The following PCDH15 variants were observed in gnomAD, a reference collection of about 807,000 sequenced individuals.
The protein encoded by PCDH15 is protocadherin related 15.
In PCDH15, 129 loss-of-function variants were observed where a neutral mutation model predicts 178.5. The ratio of observed to expected loss-of-function variants is 0.72; its 90% CI spans 0.63 to 0.84. The LOEUF (loss-of-function observed/expected upper bound fraction) is 0.84. Ranked by LOEUF, PCDH15 falls within the 40% of genes least tolerant of loss-of-function variation. The pLI is 0.00. For missense variants in PCDH15, 2,230 were observed against 2,099.9 expected, an observed-to-expected ratio of 1.06 and a Z score of -1.21; for synonymous variants, 800 against 732.0, an observed-to-expected ratio of 1.09 and a Z score of -1.50.
rs10825380 is a variant in PCDH15 at position 54,710,214 on chromosome 10, C to T, written c.-28-45924G>A. The stretch of plus-strand genomic sequence containing the variant: ...ATGCAATCAGTCCCACTCAAGTGGA[C>T]GATCATGCAATGATTCTTTACAAAA... On this transcript the variant is annotated intron_variant, in intron 1 of 37. Transcript: ENST00000644397. Among the ~76,000 whole-genome samples the T allele has an allele frequency of 3.4e-3, 511 of 151,822 alleles. 3 individuals carry two copies. Among genetic ancestry groups the T allele is most frequent in the Middle Eastern group, 0.01 (3 of 294 alleles).
intron 8 of PCDH15, among the ~76,000 whole-genome samples, chr10:54,266,077 C>A (rs1477631409): frequency 6.6e-6 from 1 of 151,660 alleles, no homozygotes; most frequent in Non-Finnish European, 1.5e-5. Context: ...TAATACCAAG[C>A]ATCCTCTTGG....
At chr10:55,576,112 C>T (rs1049594747) in intron 2 of PCDH15, among the ~76,000 whole-genome samples, 2 of 152,106 alleles carry the variant, frequency 1.3e-5, no homozygotes, top group Admixed American at 6.6e-5. Context: ...TTGCATATAA[C>T]TTTTGACTCC....
chr10:55,346,370 G>A (rs1844753261), intron 2 of PCDH15, among the ~76,000 whole-genome samples: 1 of 152,134 alleles, frequency 6.6e-6, no homozygotes. Flanking sequence ...TATGTGGTCA[G>A]GAATATGGAA....
chr10:53,840,253 C>T, intron 29 of PCDH15, 67 bp downstream of exon 29: 1 of 1,538,300 alleles, frequency 6.5e-7, no homozygotes, highest in Admixed American at 1.7e-5. Context: ...CTTATAGCCT[C>T]AAGTCAGAAT....
rs150435401 is a variant in PCDH15 at position 54,719,771 on chromosome 10, T to G, written c.-28-55481A>C. On this transcript the variant is annotated intron_variant, in intron 1 of 37. Coordinates refer to ENST00000644397, the MANE Select transcript of PCDH15 (RefSeq NM_001384140.1). The stretch of plus-strand genomic sequence containing the variant: ...CAATTCCCACTTATGAGTGAGAATA[T>G]CCAGTGTTTGGTTTTTTGTTCCTTT... Among the ~76,000 whole-genome samples the G allele has an allele frequency of 2.4e-3, 367 of 152,200 alleles. 3 individuals carry two copies. The highest frequency in any genetic ancestry group is 7.1e-3 in the African/African-American group (297 of 41,540).
chr10:54,815,351 T>C (rs1365025392), intron 3 of PCDH15, among the ~76,000 whole-genome samples: 2 of 152,120 alleles, frequency 1.3e-5, no homozygotes, highest in African/African-American at 4.8e-5. Context: ...AGACCGTACA[T>C]GGCACCATTC....
rs1481748173 is a variant in PCDH15 at position 54,726,431 on chromosome 10, T to TGG, written c.-28-62142_-28-62141insCC. Among the ~76,000 whole-genome samples, 61 of 112,654 alleles carry TGG rather than the reference T, an allele frequency of 5.4e-4. 1 individual carries two copies. Among genetic ancestry groups the TGG allele is most frequent in the East Asian group, 2.3e-3 (7 of 3,074 alleles). The allele number at this position is 112,654 out of a possible 152,430, so 73.9% of individuals were successfully genotyped here. A position where few individuals can be genotyped will look rare whatever the true frequency, so the allele number is the denominator to read the frequency against. ...TCTACCCATCAGGGGTGTGTGTGTGTGTGTGTGTGTGTGTGTGTGTGTGTG... is the reference window on the plus strand; with the variant it reads ...TCTACCCATCAGGGGTGTGTGTGTGTGGGTGTGTGTGTGTGTGTGTGTGTGTG... On this transcript the variant is annotated intron_variant, in intron 1 of 37. Transcript: ENST00000644397.
intron 20 of PCDH15, among the ~76,000 whole-genome samples, chr10:54,010,447 C>T (rs1390918372): frequency 9.2e-5 from 14 of 152,118 alleles, no homozygotes; most frequent in Admixed American, 9.2e-4. Context: ...TCCTGTTGCC[C>T]TCAGGCTCAG....
intron 2 of PCDH15, among the ~76,000 whole-genome samples, chr10:54,898,934 G>T (rs561682105): frequency 2.0e-5 from 3 of 152,228 alleles, no homozygotes; most frequent in African/African-American, 4.8e-5. Context: ...AGAGACAAAG[G>T]TACAAAATCA....
intron 1 of PCDH15, among the ~76,000 whole-genome samples, chr10:54,731,567 C>CACACAT (rs1235915165): frequency 0.032 from 1,266 of 39,668 alleles, 50 homozygotes; most frequent in African/African-American, 0.095. Flanking sequence ...TATATATACA[C>CACACAT]ACACACACAC....
intron 2 of PCDH15, among the ~76,000 whole-genome samples, chr10:55,130,373 T>A (rs1417439601): frequency 6.6e-6 from 1 of 152,000 alleles, no homozygotes; most frequent in Non-Finnish European, 1.5e-5. Flanking sequence ...GCTAGGAATA[T>A]TTGAGAAAGG....
intron 21 of PCDH15, among the ~76,000 whole-genome samples, chr10:53,976,266 C>T (rs532248918): frequency 5.5e-4 from 83 of 151,968 alleles, no homozygotes; most frequent in Admixed American, 9.8e-4. Flanking sequence ...CATGCTTAAC[C>T]CTAGGTAATG....
intron 3 of PCDH15, among the ~76,000 whole-genome samples, chr10:54,499,836 ATGACAT>A (rs1280053166): frequency 2.6e-5 from 4 of 152,300 alleles, no homozygotes; most frequent in South Asian, 4.1e-4. Context: ...GCTGACCAGA[ATGACAT>A]TGAGATGTGA....
intron 9 of PCDH15, among the ~76,000 whole-genome samples, chr10:54,223,512 T>TAA (rs1307261155): frequency 2.4e-5 from 1 of 41,542 alleles, no homozygotes; most frequent in Non-Finnish European, 8.7e-5. Flanking sequence ...ATGTTGGTTG[T>TAA]AAAGATTAAC....
chr10:55,212,160 A>G (rs1409107610), intron 1 of PCDH15, among the ~76,000 whole-genome samples: 1 of 152,140 alleles, frequency 6.6e-6, no homozygotes, highest in African/African-American at 2.4e-5. Context: ...GAACTGCATA[A>G]TAAAAGATTA....
At position 55,308,130 on chromosome 10, in the gene PCDH15, T is replaced by C. The variant is rs532957213; in HGVS notation, c.-156+11469A>G. Among the ~76,000 whole-genome samples, 6 of 152,280 alleles carry C rather than the reference T, an allele frequency of 3.9e-5. 1 individual carries two copies. The South Asian group carries it at 8.3e-4, about 21-fold the overall frequency. On this transcript the variant is annotated intron_variant, in intron 1 of 5. Transcript: ENST00000458638. Reference sequence around the variant, plus strand: ...CTATTATCAAGTGAGTTTCACTAAATAAAATGGATAGTTGGGGAGATTATA... The same window carrying C: ...CTATTATCAAGTGAGTTTCACTAAACAAAATGGATAGTTGGGGAGATTATA...
chr10:54,765,011 G>T (rs1428318875), intron 1 of PCDH15, among the ~76,000 whole-genome samples: 2 of 152,064 alleles, frequency 1.3e-5, no homozygotes, highest in Non-Finnish European at 2.9e-5. Flanking sequence ...ATTATAAAAA[G>T]ATCCAACAGG....
At chr10:54,885,398 A>G (rs899006928) in intron 3 of PCDH15, among the ~76,000 whole-genome samples, 3 of 152,118 alleles carry the variant, frequency 2.0e-5, no homozygotes, top group Admixed American at 6.6e-5. Flanking sequence ...AACAAGTGAT[A>G]TTAGCATTAA....
intron 1 of PCDH15, among the ~76,000 whole-genome samples, chr10:55,293,765 A>G (rs1039578407): frequency 1.3e-5 from 2 of 152,070 alleles, no homozygotes; most frequent in African/African-American, 4.8e-5. Flanking sequence ...CCTGGACTTC[A>G]TTGTCCATAT....
Sources: gnomAD v4.1 joint callset for allele counts (sites outside exome capture counted in the v4.1 genomes callset) on GRCh38, gnomAD v4.1.1 for gene constraint, MANE v1.5 for transcripts, NCBI Gene and HGNC (gene_info 2026-07-23, HGNC 2026-07-21) for gene names.